CCDC171: variants seen among roughly 807,000 people sequenced by gnomAD.
The protein encoded by CCDC171 is coiled-coil domain-containing protein 171.
A neutral mutation model predicts 168.2 loss-of-function variants in CCDC171; 177 were observed. That is an observed-to-expected ratio of 1.05 (90% CI 0.93 to 1.19). CCDC171 has a LOEUF of 1.19. Ranked by LOEUF, CCDC171 falls within the 50% of genes most tolerant of loss-of-function variation. CCDC171 has a pLI of 0.00. For missense variants in CCDC171, 1,991 were observed against 1,539.0 expected (o/e 1.29, Z -4.91); for synonymous variants, 687 against 540.8 (o/e 1.27, Z -3.75).
chr9:15,666,843 A>G (rs925612348), intron 9 of CCDC171, among the ~76,000 whole-genome samples: 7 of 152,178 alleles, frequency 4.6e-5, no homozygotes, highest in Admixed American at 3.9e-4. Flanking sequence ...AAGATGGATA[A>G]TATTTGACAT....
intron 3 of CCDC171, among the ~76,000 whole-genome samples, chr9:16,004,902 T>A (rs1316757355): frequency 6.6e-6 from 1 of 152,148 alleles, no homozygotes; most frequent in Non-Finnish European, 1.5e-5. Flanking sequence ...CTTGGAAGGA[T>A]GAGATGTCCA....
chr9:15,621,155 T>C (rs555293051), intron 6 of CCDC171, among the ~76,000 whole-genome samples: 3 of 152,090 alleles, frequency 2.0e-5, no homozygotes, highest in Admixed American at 6.6e-5. Flanking sequence ...TTAGTAGAGA[T>C]GGGGTTTTGC....
intron 7 of CCDC171, among the ~76,000 whole-genome samples, chr9:15,635,559 T>C (rs544776793): frequency 6.6e-6 from 1 of 152,308 alleles, no homozygotes; most frequent in East Asian, 1.9e-4. Flanking sequence ...GCTGATTAGA[T>C]GGTGCCCACC....
chr9:15,630,328 A>T (rs1386545808), intron 7 of CCDC171, among the ~76,000 whole-genome samples: 1 of 152,182 alleles, frequency 6.6e-6, no homozygotes. Flanking sequence ...AGGATGGAGG[A>T]AGATCTACCA....
At chr9:15,843,114 G>C (rs1206592063) in intron 21 of CCDC171, among the ~76,000 whole-genome samples, 2 of 151,876 alleles carry the variant, frequency 1.3e-5, no homozygotes, top group Non-Finnish European at 2.9e-5. Context: ...TCTTATAGGA[G>C]TAGTTAAGTG....
At chr9:15,609,344 G>T (rs1407459346) in intron 6 of CCDC171, among the ~76,000 whole-genome samples, 1 of 151,960 alleles carries the variant, frequency 6.6e-6, no homozygotes, top group Admixed American at 6.6e-5. Flanking sequence ...CCTGACCTCA[G>T]GTGATCCACC....
chr9:16,089,756 A>G, the CCDC171 span, among the ~76,000 whole-genome samples: 1 of 152,168 alleles, frequency 6.6e-6, no homozygotes, highest in Non-Finnish European at 1.5e-5. Context: ...AAACCCATCA[A>G]AAAATGGGCA....
At chr9:15,684,942 G>A (rs1200238277) in intron 10 of CCDC171, among the ~76,000 whole-genome samples, 1 of 152,134 alleles carries the variant, frequency 6.6e-6, no homozygotes, top group African/African-American at 2.4e-5. Flanking sequence ...GTCATGTTGG[G>A]TGATGAGTAA....
chr9:15,777,918 A>T, intron 19 of CCDC171, 92 bp downstream of exon 19: 1 of 801,312 alleles, frequency 1.2e-6, no homozygotes, highest in Non-Finnish European at 1.9e-6. Context: ...TTAGTTGTAC[A>T]TGAATGTATC....
Position 15,784,541 on chromosome 9 carries a change from A to G in CCDC171, c.3114A>G (p.Ala1038=), listed in dbSNP as rs746226889. The change falls in exon 21 of 26, where the codon GCA becomes GCG. Residue 1038 remains alanine (A), a synonymous_variant. Coordinates refer to ENST00000380701, the MANE Select transcript of CCDC171 (RefSeq NM_173550.4). ...KLITHEKFES[A]CEELNNALLR... Reference sequence around the variant, plus strand: ...TCACCCATGAGAAGTTTGAAAGTGCATGTGAAGAACTAAATAATGCATTAC... The same window carrying G: ...TCACCCATGAGAAGTTTGAAAGTGCGTGTGAAGAACTAAATAATGCATTAC... The G allele has an allele frequency of 2.5e-6, 4 of 1,613,248 alleles. No homozygotes were observed. The South Asian group carries it at 3.3e-5, about 13-fold the overall frequency.
Position 15,678,747 on chromosome 9 carries a change from T to C in CCDC171, c.1077-11T>C. On this transcript the variant is annotated splice_polypyrimidine_tract_variant and intron_variant, in intron 9 of 25. Coordinates refer to ENST00000380701, the MANE Select transcript of CCDC171 (RefSeq NM_173550.4). ...GTTTGAAAAACCTGCTCTGACACTTTAACTTTTCAGATTAGAAAAAGAGTA... is the reference window on the plus strand; with the variant it reads ...GTTTGAAAAACCTGCTCTGACACTTCAACTTTTCAGATTAGAAAAAGAGTA... The C allele has an allele frequency of 6.3e-7, 1 of 1,576,642 alleles. No individual in the cohort carries two copies. The highest frequency in any genetic ancestry group is 8.6e-7 in the Non-Finnish European group (1 of 1,169,218).
intron 4 of CCDC171, among the ~76,000 whole-genome samples, chr9:15,588,155 A>G (rs537186859): frequency 1.2e-4 from 18 of 152,248 alleles, no homozygotes; most frequent in African/African-American, 4.3e-4. Context: ...GAATCACTTG[A>G]ACCTGGGCGG....
intron 21 of CCDC171, among the ~76,000 whole-genome samples, chr9:15,802,599 A>T (rs1256649891): frequency 6.6e-6 from 1 of 152,114 alleles, no homozygotes; most frequent in East Asian, 1.9e-4. Context: ...ATTCCTTTTT[A>T]TGGCTGCATG....
In CCDC171 at chr9:15,972,883, A is replaced by C. The variant is rs1468584169; in HGVS notation, c.*1047A>C. On this transcript the variant is annotated 3_prime_UTR_variant, in exon 26 of 26. Coordinates refer to ENST00000380701, the MANE Select transcript of CCDC171 (RefSeq NM_173550.4). ...TAGAAAGAGCAAGTGTCTTGCAACC[A>C]AGTGGTCAAATATCAAATAATAGGT... 4 of 152,098 alleles carry C rather than the reference A, an allele frequency of 2.6e-5. No individual in the cohort carries two copies. The highest frequency in any genetic ancestry group is 5.9e-5 in the Non-Finnish European group (4 of 68,030). 9.4% of individuals were successfully genotyped at this position (152,098 alleles called of 1,614,324 possible).
intron 25 of CCDC171, 60 bp from the exon 26 acceptor site, chr9:15,971,549 A>T: frequency 9.0e-7 from 1 of 1,114,644 alleles, no homozygotes; most frequent in Non-Finnish European, 1.3e-6. Context: ...TTATGGTTTT[A>T]GGCTCTATTT....
intron 6 of CCDC171, among the ~76,000 whole-genome samples, chr9:15,621,408 C>A (rs903949969): frequency 5.3e-5 from 8 of 152,224 alleles, no homozygotes; most frequent in Admixed American, 6.5e-5. Context: ...CACTTTATTG[C>A]AATATATGCT....
Position 15,702,964 on chromosome 9 carries a change from C to T in CCDC171, c.1318+7627C>T, listed in dbSNP as rs752318845. ...TGTTGCCCAGGCTGGAGTGCAGTGG[C>T]GCGATCTCTGCTCACTGCAACCTCC... On this transcript the variant is annotated intron_variant, in intron 11 of 25. Transcript: ENST00000380701. Among the ~76,000 whole-genome samples the T allele has an allele frequency of 6.0e-5, 9 of 150,674 alleles. No individual in the cohort carries two copies. The South Asian group carries it at 6.3e-4, about 11-fold the overall frequency.
At chr9:15,851,818 T>C (rs1219198132) in intron 23 of CCDC171, among the ~76,000 whole-genome samples, 1 of 151,920 alleles carries the variant, frequency 6.6e-6, no homozygotes, top group African/African-American at 2.4e-5. Context: ...TTAATGTAAA[T>C]GGAATAATAC....
chr9:15,782,520 C>G (rs542467266), intron 20 of CCDC171, among the ~76,000 whole-genome samples: 74 of 152,284 alleles, frequency 4.9e-4, no homozygotes, highest in African/African-American at 1.7e-3. Flanking sequence ...GAAGGGAACA[C>G]ACGTTCTGTT....
Sources: gnomAD v4.1 joint callset for allele counts (sites outside exome capture counted in the v4.1 genomes callset) on GRCh38, gnomAD v4.1.1 for gene constraint, MANE v1.5 for transcripts, NCBI Gene and HGNC (gene_info 2026-07-23, HGNC 2026-07-21) for gene names.